TBC1D14: variants seen among roughly 807,000 people sequenced by gnomAD.
TBC1D14 encodes TBC1 domain family, member 14.
A neutral mutation model predicts 79.0 loss-of-function variants in TBC1D14; 26 were observed. The ratio of observed to expected loss-of-function variants is 0.33; its 90% confidence interval spans 0.24 to 0.46. The LOEUF (loss-of-function observed/expected upper bound fraction) is 0.46. Among genes scored for constraint, TBC1D14 ranks in the 20% least tolerant of loss-of-function variants. The pLI is 1.00. For synonymous variants in TBC1D14, 394 were observed against 349.9 expected, an observed-to-expected ratio of 1.13 and a Z score of -1.40; for missense variants, 769 against 887.6, an observed-to-expected ratio of 0.87 and a Z score of 1.70.
At chr4:6,914,632 T>C (rs895773667) in intron 1 of TBC1D14, among the ~76,000 whole-genome samples, 1 of 152,084 alleles carries the variant, frequency 6.6e-6, no homozygotes, top group Non-Finnish European at 1.5e-5. Context: ...CATATAGACA[T>C]GGAATGCAGT....
chr4:6,927,446 G>A (rs1026310978), intron 2 of TBC1D14, among the ~76,000 whole-genome samples: 1 of 152,204 alleles, frequency 6.6e-6, no homozygotes. Flanking sequence ...TATAAGGTTA[G>A]AGATCAAATA....
chr4:7,022,874 G>T (rs976194218), intron 12 of TBC1D14, among the ~76,000 whole-genome samples: 21 of 151,980 alleles, frequency 1.4e-4, no homozygotes, highest in Admixed American at 3.3e-4. Flanking sequence ...GCTTGGGGGG[G>T]TACATTGTAG....
At chr4:7,000,816 G>A (rs1719594092) in intron 6 of TBC1D14, among the ~76,000 whole-genome samples, 2 of 152,216 alleles carry the variant, frequency 1.3e-5, no homozygotes, top group Admixed American at 1.3e-4. Flanking sequence ...CCAAGCCATT[G>A]CTTTTTCCTG....
intron 13 of TBC1D14, among the ~76,000 whole-genome samples, chr4:7,025,819 C>G (rs868383791): frequency 6.6e-5 from 10 of 152,186 alleles, no homozygotes; most frequent in Middle Eastern, 3.2e-3. Flanking sequence ...GCGGATAGTC[C>G]GTATCCCTTG....
Position 6,917,174 on chromosome 4 carries a change from A to G in TBC1D14, c.-17-6199A>G, listed in dbSNP as rs141765910. 3.9e-5 allele frequency among the ~76,000 whole-genome samples: 6 copies of G among 152,284 alleles called. No homozygotes were observed. The East Asian group carries it at 1.2e-3, about 29-fold the overall frequency. On this transcript the variant is annotated intron_variant, in intron 1 of 13. Transcript: ENST00000409757. ...TGGAACATAATCCAGCTCTCAGCAG[A>G]TGTTTCTTGGCTGGGACTGTCCCTG... is the stretch of plus-strand genomic sequence containing the variant.
intron 2 of TBC1D14, among the ~76,000 whole-genome samples, chr4:6,948,434 T>C (rs1443579067): frequency 6.6e-6 from 1 of 152,154 alleles, no homozygotes; most frequent in Non-Finnish European, 1.5e-5. Context: ...CATTTATTGT[T>C]GTCTAGTTTT....
Position 6,924,063 on chromosome 4 carries a change from A to T in TBC1D14, c.674A>T (p.Glu225Val), listed in dbSNP as rs147434354. The T allele has an allele frequency of 4.8e-4, 769 of 1,613,856 alleles. 6 individuals carry two copies. The East Asian group carries it at 0.015, about 31-fold the overall frequency. ...CAGGACTGTGTTCATGAAGCTGAGGAGGGGAGTAAATTGAAAATATTGGGG... is the reference window on the plus strand; with the variant it reads ...CAGGACTGTGTTCATGAAGCTGAGGTGGGGAGTAAATTGAAAATATTGGGG... ...HQQDCVHEAEEGSKLKILGPF... is the reference protein window; with the variant it reads ...HQQDCVHEAEVGSKLKILGPF... The change falls in exon 2 of 14, where the codon GAG becomes GTG. Residue 225 changes from glutamate (E) to valine (V), a missense_variant. Physicochemically the swap from Glu to Val is moderately radical, Grantham distance 121. Transcript: ENST00000409757.
chr4:7,006,197 T>C (rs1720181478), intron 8 of TBC1D14, among the ~76,000 whole-genome samples: 1 of 152,044 alleles, frequency 6.6e-6, no homozygotes, highest in African/African-American at 2.4e-5. Context: ...AAAAGAAATA[T>C]TACATGAGTA....
chr4:6,968,741 G>A (rs1715945320), intron 3 of TBC1D14, among the ~76,000 whole-genome samples: 1 of 119,738 alleles, frequency 8.4e-6, no homozygotes, highest in African/African-American at 2.8e-5. Flanking sequence ...CCTGTGCGCT[G>A]CACCCGGTAG....
intron 3 of TBC1D14, among the ~76,000 whole-genome samples, chr4:6,986,802 G>A (rs990481349): frequency 6.6e-6 from 1 of 152,170 alleles, no homozygotes. Flanking sequence ...GCCCCGGGGC[G>A]CCTGTTCGGC....
At position 6,970,030 on chromosome 4, in the gene TBC1D14, C is replaced by G. The variant is rs1447470561; in HGVS notation, c.843+2606C>G. ...CCTCTGCGCTGCTGGCTGGGGCTGG[C>G]TGCTGTCATAGGCATGGGCTCACAC... is the stretch of plus-strand genomic sequence containing the variant. On this transcript the variant is annotated intron_variant, in intron 3 of 13. Coordinates refer to ENST00000409757, the MANE Select transcript of TBC1D14 (RefSeq NM_020773.3). Among the ~76,000 whole-genome samples the G allele has an allele frequency of 3.9e-5, 6 of 152,154 alleles. No individual in the cohort carries two copies. In the East Asian group the frequency reaches 1.2e-3, roughly 29 times the overall value.
At chr4:6,993,005 T>TA (rs1228716723) in intron 3 of TBC1D14, among the ~76,000 whole-genome samples, 1 of 152,228 alleles carries the variant, frequency 6.6e-6, no homozygotes, top group East Asian at 1.9e-4. Context: ...TTTGAGGAAA[T>TA]AATCTATTTC....
At chr4:6,950,026 A>T (rs530017766) in intron 2 of TBC1D14, among the ~76,000 whole-genome samples, 1 of 152,214 alleles carries the variant, frequency 6.6e-6, no homozygotes, top group Non-Finnish European at 1.5e-5. Flanking sequence ...CAAGCCCCAC[A>T]TGCATTAGGC....
At chr4:6,959,510 G>C (rs925147251) in intron 2 of TBC1D14, among the ~76,000 whole-genome samples, 2 of 152,132 alleles carry the variant, frequency 1.3e-5, no homozygotes, top group African/African-American at 4.8e-5. Context: ...GCCGGCTGCT[G>C]CTGTTTCCAG....
At chr4:6,981,403 G>A (rs1717363662) in intron 3 of TBC1D14, among the ~76,000 whole-genome samples, 1 of 152,150 alleles carries the variant, frequency 6.6e-6, no homozygotes, top group Non-Finnish European at 1.5e-5. Context: ...AGATGAAATA[G>A]ATAACCTGAA....
chr4:6,920,177 A>T (rs1414221704), intron 1 of TBC1D14, among the ~76,000 whole-genome samples: 2 of 152,138 alleles, frequency 1.3e-5, no homozygotes, highest in African/African-American at 4.8e-5. Context: ...TCTGCATTTC[A>T]TTTAATTCCT....
At chr4:6,976,391 T>C (rs1400455675) in intron 3 of TBC1D14, among the ~76,000 whole-genome samples, 1 of 152,118 alleles carries the variant, frequency 6.6e-6, no homozygotes, top group Non-Finnish European at 1.5e-5. Flanking sequence ...CATAACCAAA[T>C]TGCTGAAAAT....
intron 2 of TBC1D14, among the ~76,000 whole-genome samples, chr4:6,934,514 CT>C (rs1712115400): frequency 6.6e-6 from 1 of 152,076 alleles, no homozygotes; most frequent in African/African-American, 2.4e-5. Flanking sequence ...CAAAAATTAT[CT>C]GGTGTGGTGG....
In TBC1D14 at chr4:7,009,861, G is replaced by A; in HGVS notation, c.1447-16G>A. 2 of 1,614,152 alleles carry A rather than the reference G, an allele frequency of 1.2e-6. No homozygotes were observed. Among genetic ancestry groups the A allele is most frequent in the East Asian group, 2.2e-5 (1 of 44,888 alleles). ...TACTCATGCATGTGTTGTTTTTGCTGTGTTGATCCTTTTAGGGTGGTCCAT... is the reference window on the plus strand; with the variant it reads ...TACTCATGCATGTGTTGTTTTTGCTATGTTGATCCTTTTAGGGTGGTCCAT... On this transcript the variant is annotated splice_polypyrimidine_tract_variant and intron_variant, in intron 9 of 13. Transcript: ENST00000409757.
Sources: gnomAD v4.1 joint callset for allele counts (sites outside exome capture counted in the v4.1 genomes callset) on GRCh38, gnomAD v4.1.1 for gene constraint, MANE v1.5 for transcripts, NCBI Gene and HGNC (gene_info 2026-07-23, HGNC 2026-07-21) for gene names.